Variants in MYCBP2 observed in about 807,000 individuals in gnomAD.
MYCBP2 encodes E3 ubiquitin-protein ligase MYCBP2.
In MYCBP2, 120 loss-of-function variants were observed where a neutral mutation model predicts 525.3. That is an observed-to-expected ratio of 0.23 (90% CI 0.20 to 0.27). The LOEUF is 0.27. MYCBP2 is among the 10% of genes least tolerant of loss of function. The probability of loss-of-function intolerance (pLI) is 1.00; values close to 1 mark genes in which losing one functional copy is unlikely to be tolerated. For synonymous variants in MYCBP2, 1,894 were observed against 1,955.8 expected (o/e 0.97, Z 0.83); for missense variants, 4,149 against 5,657.1 (o/e 0.73, Z 8.55).
intron 1 of MYCBP2, among the ~76,000 whole-genome samples, chr13:77,304,262 T>G (rs2079131666): frequency 6.6e-6 from 1 of 152,136 alleles, no homozygotes; most frequent in Non-Finnish European, 1.5e-5. Flanking sequence ...AAAGAAAATG[T>G]GATATATATA....
intron 59 of MYCBP2, 43 bp downstream of exon 59, chr13:77,093,122 A>AC: frequency 6.5e-7 from 1 of 1,541,634 alleles, no homozygotes; most frequent in Non-Finnish European, 8.8e-7. Flanking sequence ...TCTTTCTTCC[A>AC]CCAAACACTA....
intron 28 of MYCBP2, among the ~76,000 whole-genome samples, chr13:77,190,914 A>G (rs999847505): frequency 6.6e-6 from 1 of 152,186 alleles, no homozygotes; most frequent in Non-Finnish European, 1.5e-5. Flanking sequence ...ATACTGTTAT[A>G]TAACTTCAAC....
At position 77,044,998 on chromosome 13, in the gene MYCBP2, A is replaced by G. The variant is rs1159529185; in HGVS notation, c.*380T>C. 3 of 403,304 alleles carry G rather than the reference A, an allele frequency of 7.4e-6. No homozygotes were observed. Among genetic ancestry groups the G allele is most frequent in the Non-Finnish European group, 1.3e-5 (3 of 228,436 alleles). The allele number at this position is 403,304 out of a possible 1,614,324, so 25.0% of individuals were successfully genotyped here. ...CAATTGTACAGGATTACAAAAAGGC[A>G]GTATACAATAAACAATGATTATTTT... On this transcript the variant is annotated 3_prime_UTR_variant, in exon 83 of 83. Coordinates refer to ENST00000544440, the MANE Select transcript of MYCBP2 (RefSeq NM_015057.5).
At chr13:77,146,976 C>T (rs1212821645) in intron 47 of MYCBP2, among the ~76,000 whole-genome samples, 3 of 152,042 alleles carry the variant, frequency 2.0e-5, no homozygotes, top group East Asian at 1.9e-4. Flanking sequence ...TTATAATAAG[C>T]GTCCATCAAT....
At chr13:77,125,238 A>C (rs2051442753) in intron 54 of MYCBP2, 98 bp downstream of exon 54, 2 of 1,436,276 alleles carry the variant, frequency 1.4e-6, no homozygotes, top group African/African-American at 2.9e-5. Flanking sequence ...AAAAGCAAAC[A>C]CACAAAAAAC....
intron 44 of MYCBP2, among the ~76,000 whole-genome samples, chr13:77,158,855 G>A (rs1282440816): frequency 2.0e-5 from 3 of 152,192 alleles, no homozygotes; most frequent in Non-Finnish European, 4.4e-5. Flanking sequence ...GTGGGTGGAA[G>A]CCTGATTGTG....
chr13:77,165,771 C>CCAAA, intron 41 of MYCBP2, among the ~76,000 whole-genome samples: 1 of 152,008 alleles, frequency 6.6e-6, no homozygotes, highest in East Asian at 1.9e-4. Flanking sequence ...TGATCTTTTC[C>CCAAA]CAAACAAACA....
chr13:77,179,825 GAACT>G (rs543387678), intron 34 of MYCBP2, among the ~76,000 whole-genome samples: 236 of 152,250 alleles, frequency 1.6e-3, no homozygotes, highest in African/African-American at 5.4e-3. Context: ...CCAGCAGTGA[GAACT>G]ATCTTTGCTT....
Position 77,326,362 on chromosome 13 carries a change from A to G in MYCBP2, c.302+112T>C. 1 of 1,102,676 alleles carries G rather than the reference A, an allele frequency of 9.1e-7. No individual in the cohort carries two copies. Among genetic ancestry groups the G allele is most frequent in the Non-Finnish European group, 1.2e-6 (1 of 807,126 alleles). The allele number at this position is 1,102,676 out of a possible 1,614,324, so 68.3% of individuals were successfully genotyped here. A position where few individuals can be genotyped will look rare whatever the true frequency, so the allele number is the denominator to read the frequency against. On this transcript the variant is annotated intron_variant, in intron 1 of 82. Coordinates refer to ENST00000544440, the MANE Select transcript of MYCBP2 (RefSeq NM_015057.5). This position sits in a 1 kb window ranked among gnomAD's most constrained non-coding sequence, Gnocchi z 4.2. ...GACATCCAGAGCGGACTGAAAGCTC[A>G]ATAAATGCGCAGGTACACACACGCA...
In MYCBP2 at chr13:77,261,379, ATGTATT is replaced by A; in HGVS notation, c.1648-10_1648-5del. 1 of 1,508,470 alleles carries A rather than the reference ATGTATT, an allele frequency of 6.6e-7. No homozygotes were observed. Among genetic ancestry groups the A allele is most frequent in the Admixed American group, 2.1e-5 (1 of 46,800 alleles). 93.4% of individuals were successfully genotyped at this position (1,508,470 alleles called of 1,614,324 possible). Reference sequence around the variant, plus strand: ...GGTATTTGCCAGTGTAATATATCTTATGTATTAAAAAAAAAAAGGAATTATGGTACT... The same window carrying A: ...GGTATTTGCCAGTGTAATATATCTTAAAAAAAAAAAAGGAATTATGGTACT... On this transcript the variant is annotated splice_region_variant and splice_polypyrimidine_tract_variant and intron_variant, in intron 11 of 82. Transcript: ENST00000544440.
Position 77,194,011 on chromosome 13 carries a change from C to T in MYCBP2, c.3935+142G>A, listed in dbSNP as rs574124491. On this transcript the variant is annotated intron_variant, in intron 27 of 82. Coordinates refer to ENST00000544440, the MANE Select transcript of MYCBP2 (RefSeq NM_015057.5). ...ATTTTTGAAAGCAATACTTATATTGCTTAATATATAATTTAATTTCTCAAG... is the reference window on the plus strand; with the variant it reads ...ATTTTTGAAAGCAATACTTATATTGTTTAATATATAATTTAATTTCTCAAG... 1.6e-3 allele frequency: 803 copies of T among 505,022 alleles called. 3 individuals are homozygous for T. Among genetic ancestry groups the T allele is most frequent in the Middle Eastern group, 3.5e-3 (7 of 1,982 alleles). The allele number at this position is 505,022 out of a possible 1,614,324, so 31.3% of individuals were successfully genotyped here.
At chr13:77,118,096 A>T (rs1317937021) in intron 55 of MYCBP2, among the ~76,000 whole-genome samples, 4 of 152,196 alleles carry the variant, frequency 2.6e-5, no homozygotes, top group Non-Finnish European at 5.9e-5. Context: ...AAATCCACTG[A>T]AAGTTGTCCC....
intron 55 of MYCBP2, among the ~76,000 whole-genome samples, chr13:77,114,551 A>G (rs1241685481): frequency 6.6e-6 from 1 of 152,122 alleles, no homozygotes; most frequent in African/African-American, 2.4e-5. Flanking sequence ...ATAGTCATGC[A>G]GATATCCAAA....
chr13:77,045,552 C>A, intron 82 of MYCBP2, 59 bp from the exon 83 acceptor site: 1 of 1,016,432 alleles, frequency 9.8e-7, no homozygotes, highest in Non-Finnish European at 1.5e-6. Context: ...CACATATAAA[C>A]CTCACAGAAA....
chr13:77,106,205 T>C (rs368081404), intron 55 of MYCBP2, among the ~76,000 whole-genome samples: 23 of 152,176 alleles, frequency 1.5e-4, no homozygotes, highest in African/African-American at 5.5e-4. Flanking sequence ...CATATATTAT[T>C]TTTGAGTGTT....
chr13:77,235,041 C>T (rs1417302840), intron 17 of MYCBP2, among the ~76,000 whole-genome samples: 1 of 151,802 alleles, frequency 6.6e-6, no homozygotes, highest in Non-Finnish European at 1.5e-5. Flanking sequence ...CTATTGTATC[C>T]CATGGGCTAA....
chr13:77,250,609 T>C (rs375406442), intron 15 of MYCBP2, among the ~76,000 whole-genome samples: 2 of 152,304 alleles, frequency 1.3e-5, no homozygotes, highest in South Asian at 2.1e-4. Flanking sequence ...TAACTGTAAA[T>C]TGACAATAAT....
chr13:77,147,636 C>T (rs1253988800), intron 47 of MYCBP2, among the ~76,000 whole-genome samples: 3 of 152,012 alleles, frequency 2.0e-5, no homozygotes, highest in African/African-American at 7.2e-5. Context: ...AAAAGTTACA[C>T]ATGAGAAAAA....
At chr13:77,077,459 T>C in intron 66 of MYCBP2, 72 bp from the exon 67 acceptor site, 1 of 1,555,608 alleles carries the variant, frequency 6.4e-7, no homozygotes, top group African/African-American at 1.4e-5. Flanking sequence ...GACTTAGCAT[T>C]GATACCAGCA....
Sources: allele counts gnomAD v4.1 joint callset (sites outside exome capture counted in the v4.1 genomes callset), GRCh38; gene constraint gnomAD v4.1.1; non-coding constraint Gnocchi (gnomAD v3.1); transcripts MANE v1.5; gene names NCBI Gene and HGNC (gene_info 2026-07-23, HGNC 2026-07-21).